RNF111: variants seen among roughly 807,000 people sequenced by gnomAD.
RNF111 encodes E3 ubiquitin-protein ligase Arkadia.
RNF111 carries 17 observed loss-of-function variants against 95.1 expected under a neutral mutation model. The observed-to-expected ratio is 0.18, with a 90% confidence interval of 0.12 to 0.27. The LOEUF is 0.27. Among genes scored for constraint, RNF111 ranks in the 10% least tolerant of loss-of-function variants. The pLI is 1.00. For missense variants in RNF111, 1,189 were observed against 1,210.4 expected, an observed-to-expected ratio of 0.98 and a Z score of 0.26; for synonymous variants, 440 against 414.8, an observed-to-expected ratio of 1.06 and a Z score of -0.74.
chr15:59,046,774 T>C (rs916417490), intron 2 of RNF111, among the ~76,000 whole-genome samples: 3 of 152,134 alleles, frequency 2.0e-5, no homozygotes, highest in Non-Finnish European at 4.4e-5. Context: ...ATTAAGAAAA[T>C]GAAAAGGCAT....
intron 1 of RNF111, among the ~76,000 whole-genome samples, chr15:59,016,492 T>C (rs1394270334): frequency 6.6e-6 from 1 of 152,186 alleles, no homozygotes; most frequent in African/African-American, 2.4e-5. Context: ...TGGGAACCTG[T>C]ATTTTCTCTC....
chr15:59,065,173 AG>A (rs1412743046), intron 5 of RNF111, among the ~76,000 whole-genome samples: 3 of 152,160 alleles, frequency 2.0e-5, no homozygotes, highest in African/African-American at 7.2e-5. Context: ...GAATCAGAGT[AG>A]GGGGTTAAGG....
At chr15:59,082,579 A>C (rs1473426935) in intron 8 of RNF111, among the ~76,000 whole-genome samples, 1 of 152,226 alleles carries the variant, frequency 6.6e-6, no homozygotes, top group Non-Finnish European at 1.5e-5. Context: ...TTTGTAAACA[A>C]AATTTTATTG....
chr15:59,025,433 A>G (rs1465049887), intron 1 of RNF111, among the ~76,000 whole-genome samples: 1 of 152,220 alleles, frequency 6.6e-6, no homozygotes, highest in African/African-American at 2.4e-5. Flanking sequence ...GCTATTTAGA[A>G]TATGTAACAA....
At chr15:59,089,210 GTAAC>G (rs1307093101) in intron 10 of RNF111, among the ~76,000 whole-genome samples, 1 of 152,062 alleles carries the variant, frequency 6.6e-6, no homozygotes, top group Non-Finnish European at 1.5e-5. Flanking sequence ...AAGATTGACT[GTAAC>G]TAACAAAAAA....
intron 12 of RNF111, among the ~76,000 whole-genome samples, chr15:59,091,602 G>A (rs753857039): frequency 2.6e-5 from 4 of 151,958 alleles, no homozygotes; most frequent in African/African-American, 7.3e-5. Context: ...TTATTTTGAC[G>A]GACATTTTAT....
intron 1 of RNF111, among the ~76,000 whole-genome samples, chr15:59,021,997 C>T (rs1376725476): frequency 6.6e-6 from 1 of 151,844 alleles, no homozygotes; most frequent in Non-Finnish European, 1.5e-5. Flanking sequence ...GTAGCTGGAA[C>T]TACAGGCGCG....
At chr15:59,026,532 T>G (rs58684833) in intron 1 of RNF111, among the ~76,000 whole-genome samples, 1,787 of 152,316 alleles carry the variant, frequency 0.012, 29 homozygotes, top group African/African-American at 0.042. Flanking sequence ...CTTTGTAAAT[T>G]AGATCAGCCA....
intron 10 of RNF111, among the ~76,000 whole-genome samples, chr15:59,087,899 CTT>C (rs2078942573): frequency 6.6e-6 from 1 of 152,092 alleles, no homozygotes; most frequent in African/African-American, 2.4e-5. Flanking sequence ...GGTTATTGGT[CTT>C]TTGTGTCAGA....
At chr15:58,993,420 C>A (rs2038908779) in intron 1 of RNF111, among the ~76,000 whole-genome samples, 1 of 151,926 alleles carries the variant, frequency 6.6e-6, no homozygotes, top group South Asian at 2.1e-4. Flanking sequence ...TGCCTGTAAT[C>A]CCAGCTGCTT....
intron 1 of RNF111, among the ~76,000 whole-genome samples, chr15:58,996,831 C>A (rs1415498198): frequency 6.6e-6 from 1 of 151,862 alleles, no homozygotes; most frequent in Non-Finnish European, 1.5e-5. Context: ...CAATTAATAT[C>A]TGTACACGGT....
At chr15:59,085,870 T>C in intron 10 of RNF111, 85 bp downstream of exon 10, 3 of 1,107,098 alleles carry the variant, frequency 2.7e-6, no homozygotes, top group South Asian at 3.1e-5. Flanking sequence ...ACTATATTAA[T>C]ATAGATGTTT....
intron 1 of RNF111, among the ~76,000 whole-genome samples, chr15:59,004,781 A>G (rs1227622549): frequency 3.3e-5 from 5 of 152,178 alleles, no homozygotes; most frequent in Non-Finnish European, 5.9e-5. Context: ...TCCCTCCACT[A>G]TTGGAATAAA....
Position 59,031,470 on chromosome 15 carries a change from T to C in RNF111, c.648T>C (p.Phe216=). Residue 216 remains phenylalanine (F), a synonymous_variant, in exon 2 of 14, where the codon TTT becomes TTC. Coordinates refer to ENST00000348370, the MANE Select transcript of RNF111 (RefSeq NM_017610.8). The stretch of plus-strand genomic sequence containing the variant: ...GGAGACTTCCATGCAGAAAGAGATT[T>C]GTAAAAAATAATTCCTCACAGAGGA... The part of the protein sequence containing the change: ...SLRRLPCRKR[F]VKNNSSQRTQ... 6.2e-7 allele frequency: 1 copy of C among 1,614,198 alleles called. No homozygotes were observed. Among genetic ancestry groups the C allele is most frequent in the Non-Finnish European group, 8.5e-7 (1 of 1,180,042 alleles).
At chr15:59,057,693 T>G (rs1192271719) in intron 4 of RNF111, among the ~76,000 whole-genome samples, 2 of 152,228 alleles carry the variant, frequency 1.3e-5, no homozygotes, top group Non-Finnish European at 2.9e-5. Context: ...TACAAAATTT[T>G]CTTTGGAAAA....
chr15:59,000,437 C>A (rs2039274776), intron 1 of RNF111, among the ~76,000 whole-genome samples: 2 of 151,984 alleles, frequency 1.3e-5, no homozygotes, highest in Admixed American at 6.6e-5. Context: ...CAGGACCGGG[C>A]CTGGTGGCTC....
intron 11 of RNF111, among the ~76,000 whole-genome samples, chr15:59,090,313 T>C (rs1473074437): frequency 6.6e-5 from 10 of 151,998 alleles, no homozygotes; most frequent in African/African-American, 2.4e-4. Flanking sequence ...CACTGCAACC[T>C]GCGCCTCCTG....
chr15:59,070,710 T>G (rs1455035966), intron 6 of RNF111, among the ~76,000 whole-genome samples: 1 of 152,166 alleles, frequency 6.6e-6, no homozygotes, highest in Non-Finnish European at 1.5e-5. Flanking sequence ...AACTTGAGTA[T>G]CATCACACCC....
intron 5 of RNF111, among the ~76,000 whole-genome samples, chr15:59,059,996 A>G (rs1317317462): frequency 6.6e-6 from 1 of 152,180 alleles, no homozygotes; most frequent in Non-Finnish European, 1.5e-5. Context: ...ATCAGGAAGT[A>G]TTCTCTCCCC....
Sources: gnomAD v4.1 joint callset for allele counts (sites outside exome capture counted in the v4.1 genomes callset) on GRCh38, gnomAD v4.1.1 for gene constraint, MANE v1.5 for transcripts, NCBI Gene and HGNC (gene_info 2026-07-23, HGNC 2026-07-21) for gene names.